Variants in ENOSF1 observed in about 807,000 individuals in gnomAD.
ENOSF1 encodes the protein enolase superfamily member 1.
Under a neutral mutation model 68.2 loss-of-function variants are expected in ENOSF1, and 73 were observed. That is an observed-to-expected ratio of 1.07 (90% CI 0.89 to 1.30). The LOEUF (loss-of-function observed/expected upper bound fraction) is 1.30. Ranked by LOEUF, ENOSF1 falls within the 50% of genes most tolerant of loss-of-function variation. The pLI, the probability that ENOSF1 is intolerant of heterozygous loss-of-function variation, is 0.00. For synonymous variants in ENOSF1, 223 were observed against 210.4 expected, an observed-to-expected ratio of 1.06 and a Z score of -0.52; for missense variants, 589 against 554.5, an observed-to-expected ratio of 1.06 and a Z score of -0.62.
At chr18:699,241 C>T (rs1174207063) in intron 2 of ENOSF1, among the ~76,000 whole-genome samples, 1 of 152,058 alleles carries the variant, frequency 6.6e-6, no homozygotes, top group Non-Finnish European at 1.5e-5. Flanking sequence ...GTGGGTGGAT[C>T]ACTTGAGCTC....
chr18:694,451 T>C lies in ENOSF1; in HGVS notation c.310-117A>G, dbSNP rs1418051474. The C allele has an allele frequency of 2.6e-5, 22 of 839,694 alleles. No homozygotes were observed. In the East Asian group the frequency reaches 5.6e-4, roughly 22 times the overall value. 52.0% of individuals were successfully genotyped at this position (839,694 alleles called of 1,614,324 possible). On this transcript the variant is annotated intron_variant, in intron 3 of 15. Transcript: ENST00000647584. ...ACCAAGACCAGCCTGGCCAACATGG[T>C]GAAACCCCGTCTCTACTGAAAACAG...
chr18:670,888 T>C lies in ENOSF1; in HGVS notation c.*3417A>G, dbSNP rs3826626. 33,247 of 1,612,726 alleles carry C rather than the reference T, an allele frequency of 0.021. 2,427 individuals are homozygous for C. Among genetic ancestry groups the C allele is most frequent in the East Asian group, 0.2 (9,031 of 44,848 alleles). On this transcript the variant is annotated 3_prime_UTR_variant, in exon 16 of 16. Transcript: ENST00000647584. Reference sequence around the variant, plus strand: ...TGAAGGTGGGCTGTCTCGGGAAGGGTGACTTGCCAGCCTACCACACTGAGC... The same window carrying C: ...TGAAGGTGGGCTGTCTCGGGAAGGGCGACTTGCCAGCCTACCACACTGAGC...
Position 670,576 on chromosome 18 carries a change from T to G in ENOSF1, c.*3729A>C, listed in dbSNP as rs917764419. ...GGACATCACTGCAGCCCAGTGGCTC[T>G]CTCTCCTGGTCTCCACCATATGAGT... is the stretch of plus-strand genomic sequence containing the variant. On this transcript the variant is annotated 3_prime_UTR_variant, in exon 16 of 16. Transcript: ENST00000647584. 6.2e-6 allele frequency: 7 copies of G among 1,125,456 alleles called. No homozygotes were observed. The highest frequency in any genetic ancestry group is 2.2e-5 in the Admixed American group (1 of 45,122). 69.7% of individuals were successfully genotyped at this position (1,125,456 alleles called of 1,614,324 possible). A position where few individuals can be genotyped will look rare whatever the true frequency, so the allele number is the denominator to read the frequency against.
chr18:666,994 G>A (rs1370871661), downstream of ENOSF1, among the ~76,000 whole-genome samples: 1 of 5,678 alleles, frequency 1.8e-4, no homozygotes, highest in Non-Finnish European at 4.9e-4. Context: ...TGGTGATGGT[G>A]ATGGAGATGG....
intron 5 of ENOSF1, chr18:693,637 T>C (rs1450270038): frequency 3.0e-6 from 3 of 985,304 alleles, no homozygotes; most frequent in African/African-American, 3.5e-5. Flanking sequence ...GTGTTACACA[T>C]GCACAGTGGG....
chr18:678,811 A>G, intron 11 of ENOSF1, 74 bp from the exon 12 acceptor site: 1 of 1,514,534 alleles, frequency 6.6e-7, no homozygotes, highest in Non-Finnish European at 9.2e-7. Flanking sequence ...AAAAACATTT[A>G]TAGCTGAAGG....
At position 706,560 on chromosome 18, in the gene ENOSF1, A is replaced by G; in HGVS notation, c.103T>C (p.Ser35Pro). The change falls in exon 2 of 16, where the codon TCG becomes CCG. Residue 35 changes from serine (S) to proline (P), a missense_variant. Physicochemically the swap from Ser to Pro is moderately conservative, Grantham distance 74 (BLOSUM62 -1). Coordinates refer to ENST00000647584, the MANE Select transcript of ENOSF1 (RefSeq NM_017512.7). ...ADAMHTDPDY[S>P]AAYVVIETDA... ...GTTTCTATGACGACATAGGCAGCCG[A>G]GTAGTCAGGGTCCGTGTGCTGCAGG... 6.2e-7 allele frequency: 1 copy of G among 1,613,702 alleles called. No homozygotes were observed. Among genetic ancestry groups the G allele is most frequent in the South Asian group, 1.1e-5 (1 of 91,046 alleles).
At chr18:688,468 C>A in intron 9 of ENOSF1, 106 bp downstream of exon 9, 3 of 1,489,712 alleles carry the variant, frequency 2.0e-6, no homozygotes, top group Non-Finnish European at 2.8e-6. Context: ...CAGGGGGATC[C>A]TAGCCCGTGG....
At chr18:690,785 A>G in intron 7 of ENOSF1, 154 bp from the exon 8 acceptor site, 2 of 1,487,338 alleles carry the variant, frequency 1.3e-6, no homozygotes, top group Non-Finnish European at 1.8e-6. Flanking sequence ...TAGGATGTCA[A>G]ACCCAGGTGA....
intron 1 of ENOSF1, among the ~76,000 whole-genome samples, chr18:707,325 G>T (rs1372081364): frequency 6.6e-6 from 1 of 152,168 alleles, no homozygotes; most frequent in Admixed American, 6.5e-5. Flanking sequence ...ATGCCCGGAA[G>T]GGGCTCAATT....
intron 2 of ENOSF1, among the ~76,000 whole-genome samples, chr18:704,230 C>A (rs981779793): frequency 6.6e-6 from 1 of 151,874 alleles, no homozygotes; most frequent in African/African-American, 2.4e-5. Flanking sequence ...AGTCAGGAGA[C>A]CGGCCTGACC....
At chr18:711,753 G>A (rs1327805630) in intron 1 of ENOSF1, among the ~76,000 whole-genome samples, 2 of 152,204 alleles carry the variant, frequency 1.3e-5, no homozygotes, top group East Asian at 3.8e-4. Context: ...CATCTCTTAA[G>A]ACGAACTGAC....
Position 678,714 on chromosome 18 carries a change from G to A in ENOSF1, c.900C>T (p.Gly300=), listed in dbSNP as rs1042559712. The stretch of plus-strand genomic sequence containing the variant: ...CACTCACCTGTTCTCCTGTGGCAAT[G>A]CCAATTCCTAATGGGACCAGTGCCT... The part of the protein sequence containing the change: ...ISKALVPLGI[G]IATGEQCHNR... Residue 300 remains glycine, a synonymous_variant, in exon 12 of 16, where the codon GGC becomes GGT. Coordinates refer to ENST00000647584, the MANE Select transcript of ENOSF1 (RefSeq NM_017512.7). 1 of 1,614,118 alleles carries A rather than the reference G, an allele frequency of 6.2e-7. No individual in the cohort carries two copies. Among genetic ancestry groups the A allele is most frequent in the South Asian group, 1.1e-5 (1 of 91,084 alleles).
intron 11 of ENOSF1, among the ~76,000 whole-genome samples, chr18:679,208 C>CTTTT (rs71174268): frequency 8.1e-6 from 1 of 123,804 alleles, no homozygotes; most frequent in Non-Finnish European, 1.7e-5. Context: ...CCTCTCATAT[C>CTTTT]TTTTTTTTTT....
At chr18:707,654 G>A (rs1324769472) in intron 1 of ENOSF1, 2 of 152,140 alleles carry the variant, frequency 1.3e-5, no homozygotes, top group Non-Finnish European at 2.9e-5. Context: ...TTGTGCATAA[G>A]GCTATGAAAA....
Position 677,448 on chromosome 18 carries a change from A to C in ENOSF1, c.1049-4T>G, listed in dbSNP as rs759455088. On this transcript the variant is annotated splice_polypyrimidine_tract_variant and splice_region_variant and intron_variant, in intron 13 of 15. Coordinates refer to ENST00000647584, the MANE Select transcript of ENOSF1 (RefSeq NM_017512.7). ...CCAGCATGGGGGCAAACAGGAACTA[A>C]AAGGAAATCGTTTCTATTTAATACC... 1.2e-5 allele frequency: 19 copies of C among 1,611,140 alleles called. No homozygotes were observed. Among genetic ancestry groups the C allele is most frequent in the Non-Finnish European group, 1.5e-5 (18 of 1,179,172 alleles).
At chr18:677,194 G>T in intron 14 of ENOSF1, 151 bp downstream of exon 14, 1 of 644,962 alleles carries the variant, frequency 1.6e-6, no homozygotes, top group Non-Finnish European at 2.7e-6. Context: ...GTGGGTCTCT[G>T]TGAAAGCAAA....
At chr18:706,251 AT>A (rs1194808937) in intron 2 of ENOSF1, among the ~76,000 whole-genome samples, 1 of 152,124 alleles carries the variant, frequency 6.6e-6, no homozygotes, top group African/African-American at 2.4e-5. Flanking sequence ...GCTAGAGATG[AT>A]TGCAAGGAGA....
the ENOSF1 span, among the ~76,000 whole-genome samples, chr18:664,286 G>A: frequency 0.55 from 81,221 of 148,864 alleles, 23,834 homozygotes; most frequent in African/African-American, 0.77. Flanking sequence ...GCAATTGTGA[G>A]TGGAAGTTCA....
Sources: allele counts gnomAD v4.1 joint callset (sites outside exome capture counted in the v4.1 genomes callset), GRCh38; gene constraint gnomAD v4.1.1; transcripts MANE v1.5; gene names NCBI Gene and HGNC (gene_info 2026-07-23, HGNC 2026-07-21).